Variants in ZNF613 observed in about 807,000 individuals in gnomAD.
The protein encoded by ZNF613 is zinc finger protein 613.
ZNF613 carries 8 observed loss-of-function variants against 14.3 expected under a neutral mutation model. The ratio of observed to expected loss-of-function variants is 0.56; its 90% CI spans 0.33 to 1.01. The LOEUF (loss-of-function observed/expected upper bound fraction) is 1.01. Ranked by LOEUF, ZNF613 falls within the 50% of genes least tolerant of loss-of-function variation. The pLI is 0.03. For missense variants in ZNF613, 656 were observed against 741.9 expected (o/e 0.88, Z 1.35); for synonymous variants, 228 against 254.5 (o/e 0.90, Z 0.99).
intron 5 of ZNF613, among the ~76,000 whole-genome samples, chr19:51,942,084 T>G (rs1333296209): frequency 1.3e-5 from 2 of 152,216 alleles, no homozygotes; most frequent in African/African-American, 4.8e-5. Flanking sequence ...CAGGTGATAT[T>G]CTAGTTGAAT....
chr19:51,940,588 C>T, intron 4 of ZNF613, 29 bp from the exon 5 acceptor site: 1 of 1,597,634 alleles, frequency 6.3e-7, no homozygotes, highest in Non-Finnish European at 8.5e-7. Context: ...TTCAATGAGC[C>T]TAAGTTGTGT....
At chr19:51,932,434 A>G (rs2085273589) in intron 2 of ZNF613, among the ~76,000 whole-genome samples, 1 of 146,028 alleles carries the variant, frequency 6.8e-6, no homozygotes, top group South Asian at 2.1e-4. Flanking sequence ...CTCTGCTAGG[A>G]TTACGGGCAT....
At chr19:51,939,311 AT>A (rs2085329192) in intron 3 of ZNF613, among the ~76,000 whole-genome samples, 1 of 151,220 alleles carries the variant, frequency 6.6e-6, no homozygotes, top group Non-Finnish European at 1.5e-5. Context: ...TTTATTATTT[AT>A]TTATTTATTT....
At chr19:51,928,938 T>G (rs369546955) in intron 1 of ZNF613, among the ~76,000 whole-genome samples, 1 of 152,060 alleles carries the variant, frequency 6.6e-6, no homozygotes, top group Non-Finnish European at 1.5e-5. Context: ...TATTAAAGAT[T>G]TTCGTTCTTC....
rs1449228864 is a variant in ZNF613, at chr19:51,944,274, T to A, written c.391T>A (p.Leu131Ile). Residue 131 changes from leucine (L) to isoleucine (I), a missense_variant, in exon 6 of 6, where the codon TTA becomes ATA. Coordinates refer to ENST00000293471, the MANE Select transcript of ZNF613 (RefSeq NM_001031721.4). ...AAGGCAAAATCATGATACATTTGAC[T>A]TACATGGGAAAATACTGAAATCAAA... ...PLRQNHDTFD[L>I]HGKILKSNLS... is the part of the protein sequence containing the mutation. 3 of 1,605,828 alleles carry A rather than the reference T, an allele frequency of 1.9e-6. No homozygotes were observed. The African/African-American group carries it at 4.0e-5, about 22-fold the overall frequency.
chr19:51,928,864 A>G (rs2085240980), intron 1 of ZNF613, among the ~76,000 whole-genome samples: 1 of 151,946 alleles, frequency 6.6e-6, no homozygotes, highest in African/African-American at 2.4e-5. Context: ...AAAAAAAAAA[A>G]AAAAAGAAAA....
In ZNF613 at chr19:51,946,395, C is replaced by A. The variant is rs1381200497; in HGVS notation, c.*658C>A. On this transcript the variant is annotated 3_prime_UTR_variant, in exon 6 of 6. Transcript: ENST00000293471. ...TTGGTTAAATTTATAGCACAATGTA[C>A]CTCTTCCCCCTTTTTTGATAAGAGT... is the stretch of plus-strand genomic sequence containing the variant. 6.6e-6 allele frequency: 1 copy of A among 152,164 alleles called. No homozygotes were observed. Among genetic ancestry groups the A allele is most frequent in the African/African-American group, 2.4e-5 (1 of 41,406 alleles). 9.4% of individuals were successfully genotyped at this position (152,164 alleles called of 1,614,324 possible).
chr19:51,928,055 ATCT>A (rs58611148), intron 1 of ZNF613: 21,668 of 122,562 alleles, frequency 0.18, 1,726 homozygotes, highest in South Asian at 0.3. Context: ...AATCTAATCT[ATCT>A]ATCTATCTAT....
intron 3 of ZNF613, among the ~76,000 whole-genome samples, chr19:51,939,920 AAG>A (rs200586934): frequency 0.012 from 1,755 of 152,120 alleles, 34 homozygotes; most frequent in African/African-American, 0.04. Context: ...CAAAAAAAAA[AAG>A]AGGATTAGCA....
chr19:51,945,023 C>G lies in ZNF613; in HGVS notation c.1140C>G (p.Gly380=), dbSNP rs149620166. ...KSYICRDCGK[G]FIQKGNLIVH... is the part of the protein sequence containing the mutation. ...ATATATGCCGTGATTGTGGAAAAGG[C>G]TTCATTCAGAAGGGAAATCTCATTG... Residue 380 remains glycine, a synonymous_variant, in exon 6 of 6, where the codon GGC becomes GGG. Coordinates refer to ENST00000293471, the MANE Select transcript of ZNF613 (RefSeq NM_001031721.4). 1.2e-6 allele frequency: 2 copies of G among 1,614,106 alleles called. No individual in the cohort carries two copies. Among genetic ancestry groups the G allele is most frequent in the South Asian group, 2.2e-5 (2 of 91,086 alleles).
At chr19:51,943,769 C>G (rs1432135618) in intron 5 of ZNF613, among the ~76,000 whole-genome samples, 2 of 145,656 alleles carry the variant, frequency 1.4e-5, no homozygotes, top group East Asian at 3.9e-4. Context: ...TGAGGGATTA[C>G]TGTATATTTA....
rs923958498 is a variant in ZNF613 at position 51,927,511 on chromosome 19, G to C, written c.-388G>C. The C allele has an allele frequency of 1.3e-5, 2 of 152,504 alleles. No individual in the cohort carries two copies. Among genetic ancestry groups the C allele is most frequent in the Admixed American group, 6.5e-5 (1 of 15,280 alleles). The allele number at this position is 152,504 out of a possible 1,614,324, so 9.4% of individuals were successfully genotyped here. ...TAATTCAGGAAAGTGCAGGTTCTGG[G>C]AAGTCTCGGTGGGTTCCCCGCAAAA... is the stretch of plus-strand genomic sequence containing the variant. On this transcript the variant is annotated 5_prime_UTR_variant, in exon 1 of 6. Coordinates refer to ENST00000293471, the MANE Select transcript of ZNF613 (RefSeq NM_001031721.4).
At chr19:51,941,218 C>T (rs1288673741) in intron 5 of ZNF613, among the ~76,000 whole-genome samples, 1 of 152,196 alleles carries the variant, frequency 6.6e-6, no homozygotes, top group African/African-American at 2.4e-5. Context: ...AGGTGTGAGC[C>T]ACCACACCCG....
Position 51,945,535 on chromosome 19 carries a change from CAG to C in ZNF613, c.1657_1658del (p.His554Ter). On this transcript the variant is annotated frameshift_variant, in exon 6 of 6. Coordinates refer to ENST00000293471, the MANE Select transcript of ZNF613 (RefSeq NM_001031721.4). LOFTEE classifies it low-confidence loss of function (END_TRUNC). Reference sequence around the variant, plus strand: ...TCAGTCAAATTGGAAAATCCTTGCTCAGAGAGTCATAGCTTATCACATACACG... The same window carrying C: ...TCAGTCAAATTGGAAAATCCTTGCTCAGAGTCATAGCTTATCACATACACG... The C allele has an allele frequency of 3.1e-6, 5 of 1,614,118 alleles. No homozygotes were observed. Among genetic ancestry groups the C allele is most frequent in the Non-Finnish European group, 4.2e-6 (5 of 1,180,028 alleles).
intron 1 of ZNF613, among the ~76,000 whole-genome samples, chr19:51,929,302 A>G (rs2085245034): frequency 6.6e-6 from 1 of 152,192 alleles, no homozygotes; most frequent in Non-Finnish European, 1.5e-5. Context: ...GTATGGATAT[A>G]TTTAGATAGA....
chr19:51,934,701 C>T (rs1018871901), intron 2 of ZNF613, among the ~76,000 whole-genome samples: 5 of 152,144 alleles, frequency 3.3e-5, no homozygotes, highest in Admixed American at 1.3e-4. Context: ...AGCAAACAGG[C>T]GTGATTACAT....
Position 51,945,510 on chromosome 19 carries a change from T to A in ZNF613, c.1627T>A (p.Ser543Thr), listed in dbSNP as rs544543577. Reference protein sequence around the residue: ...MLHAREKCVGSVKLENPCSES... With the variant: ...MLHAREKCVGTVKLENPCSES... ...GCATGCAAGAGAGAAATGTGTAGGT[T>A]CAGTCAAATTGGAAAATCCTTGCTC... The change falls in exon 6 of 6, where the codon TCA becomes ACA. Residue 543 changes from serine to threonine, a missense_variant. By Grantham distance (58) the Ser-to-Thr change is moderately conservative. Transcript: ENST00000293471. 11 of 1,614,196 alleles carry A rather than the reference T, an allele frequency of 6.8e-6. No homozygotes were observed. The African/African-American group carries it at 1.3e-4, about 20-fold the overall frequency.
chr19:51,936,156 C>A lies in ZNF613; in HGVS notation c.-65C>A. 1.3e-6 allele frequency: 2 copies of A among 1,506,552 alleles called. No homozygotes were observed. Among genetic ancestry groups the A allele is most frequent in the Non-Finnish European group, 9.0e-7 (1 of 1,114,534 alleles). The allele number at this position is 1,506,552 out of a possible 1,614,324, so 93.3% of individuals were successfully genotyped here. A position where few individuals can be genotyped will look rare whatever the true frequency, so the allele number is the denominator to read the frequency against. Reference sequence around the variant, plus strand: ...AAGATTTCTAGCCAGAAATTGAGGGCAGCTCAAGGAGAGACTACAGACACA... The same window carrying A: ...AAGATTTCTAGCCAGAAATTGAGGGAAGCTCAAGGAGAGACTACAGACACA... On this transcript the variant is annotated 5_prime_UTR_variant, in exon 3 of 6. Coordinates refer to ENST00000293471, the MANE Select transcript of ZNF613 (RefSeq NM_001031721.4).
chr19:51,944,157 C>G lies in ZNF613; in HGVS notation c.274C>G (p.Gln92Glu). The change falls in exon 6 of 6, where the codon CAA becomes GAA. Residue 92 changes from glutamine to glutamate, a missense_variant. Transcript: ENST00000293471. ...TGACAATCATCTACAGATGCACTCA[C>G]AAAAGCAAAGATGTCTGAAGAGAGT... Reference protein sequence around the residue: ...KVDNHLQMHSQKQRCLKRVEQ... With the variant: ...KVDNHLQMHSEKQRCLKRVEQ... 6.5e-7 allele frequency: 1 copy of G among 1,549,586 alleles called. No individual in the cohort carries two copies. The highest frequency in any genetic ancestry group is 1.4e-5 in the African/African-American group (1 of 72,288).
Sources: gnomAD v4.1 joint callset for allele counts (sites outside exome capture counted in the v4.1 genomes callset) on GRCh38, gnomAD v4.1.1 for gene constraint, MANE v1.5 for transcripts, NCBI Gene and HGNC (gene_info 2026-07-23, HGNC 2026-07-21) for gene names.